Variants in ITPR1 observed in about 807,000 individuals in gnomAD.
The protein encoded by ITPR1 is inositol 1,4,5-trisphosphate-gated calcium channel ITPR1.
A neutral mutation model predicts 318.4 loss-of-function variants in ITPR1; 96 were observed. The observed-to-expected ratio is 0.30, with a 90% CI of 0.26 to 0.36. The LOEUF is 0.36. Ranked by LOEUF, ITPR1 falls within the 10% of genes least tolerant of loss-of-function variation. ITPR1 has a pLI of 1.00. For synonymous variants in ITPR1, 1,312 were observed against 1,289.9 expected (o/e 1.02, Z -0.37); for missense variants, 2,440 against 3,460.2 (o/e 0.71, Z 7.40).
intron 52 of ITPR1, among the ~76,000 whole-genome samples, chr3:4,788,909 G>A (rs2047372769): frequency 1.3e-5 from 2 of 152,186 alleles, no homozygotes; most frequent in Admixed American, 6.5e-5. Flanking sequence ...TCTTTCTGAG[G>A]GGTAGACCTG....
At chr3:4,788,233 C>A in intron 52 of ITPR1, 94 bp downstream of exon 52, 5 of 970,690 alleles carry the variant, frequency 5.2e-6, no homozygotes, top group Non-Finnish European at 7.8e-6. Flanking sequence ...CAAGCAGGAG[C>A]AAAGCTAGTA....
At chr3:4,641,894 T>C (rs2093347470) in intron 6 of ITPR1, among the ~76,000 whole-genome samples, 199 bp from the exon 7 acceptor site, 1 of 152,226 alleles carries the variant, frequency 6.6e-6, no homozygotes, top group African/African-American at 2.4e-5. Context: ...TTTCTTGTAT[T>C]CTGCCCTCTC....
chr3:4,641,989 A>T, intron 6 of ITPR1, 104 bp from the exon 7 acceptor site: 1 of 868,902 alleles, frequency 1.2e-6, no homozygotes, highest in Middle Eastern at 3.7e-4. Flanking sequence ...CAGCAGCTCA[A>T]TGGTGGGAGG....
chr3:4,683,404 G>A lies in ITPR1; in HGVS notation c.3180G>A (p.Leu1060=). The change falls in exon 27 of 62, where the codon CTG becomes CTA. Residue 1060 remains leucine (L), a synonymous_variant. Transcript: ENST00000649015. ...CCTTTAGTGAGGAGAACACCCCACT[G>A]GACTTGGATGACCACGGCGGCAGAA... ...IFGGSEENTP[L]DLDDHGGRTF... is the part of the protein sequence containing the mutation. 2 of 1,614,044 alleles carry A rather than the reference G, an allele frequency of 1.2e-6. No homozygotes were observed. Among genetic ancestry groups the A allele is most frequent in the South Asian group, 2.2e-5 (2 of 91,086 alleles).
intron 5 of ITPR1, among the ~76,000 whole-genome samples, chr3:4,631,943 C>G (rs570876418): frequency 6.6e-6 from 1 of 152,158 alleles, no homozygotes; most frequent in African/African-American, 2.4e-5. Context: ...TGGACTACTG[C>G]GCCCAGCCGA....
chr3:4,549,725 G>A (rs559606959), intron 4 of ITPR1, among the ~76,000 whole-genome samples: 15 of 152,202 alleles, frequency 9.9e-5, no homozygotes, highest in Non-Finnish European at 1.5e-4. Flanking sequence ...GTAGCCTCTG[G>A]CCCTTTTTTC....
intron 61 of ITPR1, among the ~76,000 whole-genome samples, chr3:4,839,555 TACTC>T (rs2051185898): frequency 6.6e-6 from 1 of 152,188 alleles, no homozygotes; most frequent in African/African-American, 2.4e-5. Flanking sequence ...TTTAAGTTCT[TACTC>T]TTTTTTTAAA....
At chr3:4,641,965 T>C in intron 6 of ITPR1, 128 bp from the exon 7 acceptor site, 1 of 663,444 alleles carries the variant, frequency 1.5e-6, no homozygotes, top group Non-Finnish European at 2.4e-6. Context: ...CACTTTGTGA[T>C]TCTCTGGCTT....
chr3:4,526,368 A>G (rs2082978278), intron 4 of ITPR1, among the ~76,000 whole-genome samples: 1 of 152,236 alleles, frequency 6.6e-6, no homozygotes, highest in Middle Eastern at 3.2e-3. Flanking sequence ...CCAGATAAGT[A>G]TCTTACATTT....
intron 8 of ITPR1, 117 bp downstream of exon 8, chr3:4,644,351 A>G: frequency 1.5e-6 from 1 of 667,574 alleles, no homozygotes; most frequent in Admixed American, 2.5e-5. Flanking sequence ...CAGGGTGCCC[A>G]TTCTGCAGGT....
At chr3:4,580,813 G>C (rs2089258335) in intron 4 of ITPR1, among the ~76,000 whole-genome samples, 1 of 150,996 alleles carries the variant, frequency 6.6e-6, no homozygotes, top group Non-Finnish European at 1.5e-5. Flanking sequence ...CCGCCTCTTG[G>C]GGAAGAGGGA....
At chr3:4,841,089 T>G (rs913407088) in intron 61 of ITPR1, among the ~76,000 whole-genome samples, 1 of 152,180 alleles carries the variant, frequency 6.6e-6, no homozygotes, top group African/African-American at 2.4e-5. Flanking sequence ...AAATGGAATA[T>G]TAAACGACCC....
intron 4 of ITPR1, among the ~76,000 whole-genome samples, chr3:4,574,591 T>C (rs2125042012): frequency 6.6e-6 from 1 of 152,374 alleles, no homozygotes; most frequent in South Asian, 2.1e-4. Flanking sequence ...ATTAGAATCA[T>C]GTATAACGGC....
At chr3:4,752,838 G>T (rs1348645734) in intron 44 of ITPR1, among the ~76,000 whole-genome samples, 1 of 152,172 alleles carries the variant, frequency 6.6e-6, no homozygotes, top group Non-Finnish European at 1.5e-5. Flanking sequence ...CTCCCTGGGT[G>T]TCAGGTGCTA....
intron 44 of ITPR1, 82 bp downstream of exon 44, chr3:4,735,436 G>T (rs1038776160): frequency 8.3e-6 from 10 of 1,200,816 alleles, no homozygotes; most frequent in Non-Finnish European, 8.6e-6. Flanking sequence ...TGTCTGGGTG[G>T]TACCAAGCCT....
At chr3:4,639,539 C>G in intron 6 of ITPR1, 69 bp downstream of exon 6, 1 of 1,173,734 alleles carries the variant, frequency 8.5e-7, no homozygotes, top group Non-Finnish European at 1.2e-6. Flanking sequence ...GAAACAAACA[C>G]CTAAGACAGG....
intron 2 of ITPR1, among the ~76,000 whole-genome samples, chr3:4,508,263 C>G (rs1257238088): frequency 1.3e-5 from 2 of 152,150 alleles, no homozygotes; most frequent in Non-Finnish European, 2.9e-5. Context: ...TTGGTAAAAA[C>G]TGGCAGGTCT....
At chr3:4,534,890 G>A (rs1575444338) in intron 4 of ITPR1, among the ~76,000 whole-genome samples, 1 of 152,182 alleles carries the variant, frequency 6.6e-6, no homozygotes, top group Non-Finnish European at 1.5e-5. Flanking sequence ...CTTAGGTTTA[G>A]CAATCAAGTG....
At chr3:4,568,879 T>G (rs571267973) in intron 4 of ITPR1, among the ~76,000 whole-genome samples, 1 of 152,130 alleles carries the variant, frequency 6.6e-6, no homozygotes, top group African/African-American at 2.4e-5. Flanking sequence ...AGTTCTGCAG[T>G]CTGTATAAGC....
Sources: gnomAD v4.1 joint callset for allele counts (sites outside exome capture counted in the v4.1 genomes callset) on GRCh38, gnomAD v4.1.1 for gene constraint, MANE v1.5 for transcripts, NCBI Gene and HGNC (gene_info 2026-07-23, HGNC 2026-07-21) for gene names.